The following ZFHX3 variants were observed in gnomAD, a reference collection of about 807,000 sequenced individuals.
ZFHX3 encodes the protein zinc finger homeobox 3, also known as zinc finger homeobox protein 3.
ZFHX3 carries 42 observed loss-of-function variants against 279.1 expected under a neutral mutation model. The observed-to-expected ratio is 0.15, with a 90% CI of 0.12 to 0.19. ZFHX3 has a LOEUF of 0.19. Ranked by LOEUF, ZFHX3 falls within the 10% of genes least tolerant of loss-of-function variation. ZFHX3 has a pLI of 1.00. For synonymous variants in ZFHX3, 2,293 were observed against 1,957.8 expected (o/e 1.17, Z -4.52); for missense variants, 4,981 against 4,754.0 (o/e 1.05, Z -1.40).
At chr16:73,844,050 C>T (rs1483768961) in intron 1 of ZFHX3, among the ~76,000 whole-genome samples, 1 of 152,130 alleles carries the variant, frequency 6.6e-6, no homozygotes, top group Admixed American at 6.5e-5. Flanking sequence ...TCCTGTGTAA[C>T]CCAGAAACCC....
At position 72,788,205 on chromosome 16, in the gene ZFHX3, T is replaced by G; in HGVS notation, c.10071A>C (p.Pro3357=). Residue 3357 remains proline (P), a synonymous_variant, in exon 10 of 10, where the codon CCA becomes CCC. Coordinates refer to ENST00000268489, the MANE Select transcript of ZFHX3 (RefSeq NM_006885.4). The stretch of plus-strand genomic sequence containing the variant: ...GCTGGTACTGCTGCAGTAGGGAGCC[T>G]GGGGACAGCCCCATCAGGGCCTGCG... ...ALSQALMGLS[P]GSLLQQYQQY... is the part of the protein sequence containing the mutation. 1 of 1,612,732 alleles carries G rather than the reference T, an allele frequency of 6.2e-7. No individual in the cohort carries two copies. The highest frequency in any genetic ancestry group is 8.5e-7 in the Non-Finnish European group (1 of 1,179,120).
intron 2 of ZFHX3, chr16:73,487,370 C>A: frequency 2.5e-6 from 1 of 394,992 alleles, no homozygotes; most frequent in South Asian, 1.9e-5. Context: ...TCTGTTATAG[C>A]AAGGGTCCAA....
At chr16:73,217,337 T>G (rs2012250247) in intron 5 of ZFHX3, among the ~76,000 whole-genome samples, 1 of 152,194 alleles carries the variant, frequency 6.6e-6, no homozygotes, top group Non-Finnish European at 1.5e-5. Flanking sequence ...CCGTCCGATT[T>G]GAGTTCAGAC....
intron 5 of ZFHX3, among the ~76,000 whole-genome samples, chr16:73,213,370 A>G (rs767157506): frequency 6.6e-6 from 1 of 152,172 alleles, no homozygotes; most frequent in Non-Finnish European, 1.5e-5. Context: ...TTTTCTCTCA[A>G]CTGTAAGCAC....
chr16:73,617,580 A>T (rs116010960), intron 2 of ZFHX3, among the ~76,000 whole-genome samples: 1,571 of 152,348 alleles, frequency 0.01, 35 homozygotes, highest in African/African-American at 0.034. Flanking sequence ...CATGAGATGT[A>T]CATGCCTAAA....
At chr16:73,853,298 C>T (rs1961635673) in intron 1 of ZFHX3, among the ~76,000 whole-genome samples, 1 of 152,172 alleles carries the variant, frequency 6.6e-6, no homozygotes, top group African/African-American at 2.4e-5. Flanking sequence ...ATAGAGCTAC[C>T]ATTTGACTCA....
chr16:73,396,121 A>C (rs1478007067), intron 3 of ZFHX3, among the ~76,000 whole-genome samples: 1 of 152,226 alleles, frequency 6.6e-6, no homozygotes, highest in Non-Finnish European at 1.5e-5. Flanking sequence ...TAAATGGAAG[A>C]TGGGGAGTTA....
At chr16:73,585,034 C>T (rs187823875) in intron 2 of ZFHX3, among the ~76,000 whole-genome samples, 1 of 152,322 alleles carries the variant, frequency 6.6e-6, no homozygotes, top group Admixed American at 6.5e-5. Flanking sequence ...AATACCTTCT[C>T]ACACCAGTCA....
intron 2 of ZFHX3, among the ~76,000 whole-genome samples, chr16:72,956,794 C>T (rs982344734): frequency 1.3e-5 from 2 of 149,884 alleles, no homozygotes; most frequent in African/African-American, 2.5e-5. Flanking sequence ...AATTAATTTC[C>T]AACTATTCTA....
chr16:73,325,928 A>AAAACACACACACACACAC (rs368062772), intron 3 of ZFHX3, among the ~76,000 whole-genome samples: 1 of 145,492 alleles, frequency 6.9e-6, no homozygotes, highest in African/African-American at 2.5e-5. Flanking sequence ...CACACACACA[A>AAAACACACACACACACAC]ACACACACAC....
At chr16:73,509,627 C>T (rs191539852) in intron 2 of ZFHX3, among the ~76,000 whole-genome samples, 7 of 147,612 alleles carry the variant, frequency 4.7e-5, no homozygotes, top group South Asian at 2.1e-4. Context: ...TGGGTTCAAG[C>T]GATTCTCCTG....
intron 2 of ZFHX3, among the ~76,000 whole-genome samples, chr16:73,474,149 AT>A (rs1273124229): frequency 1.3e-5 from 2 of 151,942 alleles, no homozygotes; most frequent in African/African-American, 2.4e-5. Flanking sequence ...TTATTTATTT[AT>A]TTATTGAGAC....
chr16:73,308,218 T>C (rs1445264118), intron 4 of ZFHX3, among the ~76,000 whole-genome samples: 2 of 126,356 alleles, frequency 1.6e-5, no homozygotes, highest in East Asian at 2.5e-4. Flanking sequence ...CTGAGCCATA[T>C]GCATGCATAT....
At chr16:73,403,262 A>G (rs1222982836) in intron 3 of ZFHX3, among the ~76,000 whole-genome samples, 1 of 152,142 alleles carries the variant, frequency 6.6e-6, no homozygotes, top group Non-Finnish European at 1.5e-5. Context: ...GATGGAGTGA[A>G]ACACCGAGGG....
At chr16:72,800,227 G>A (rs1323372648) in intron 7 of ZFHX3, 98 bp from the exon 8 acceptor site, 5 of 985,646 alleles carry the variant, frequency 5.1e-6, no homozygotes, top group East Asian at 5.2e-5. Context: ...GCCTTCACCA[G>A]TGTAAAGCTA....
chr16:72,940,104 G>A (rs969539712), intron 3 of ZFHX3, among the ~76,000 whole-genome samples: 4 of 151,842 alleles, frequency 2.6e-5, no homozygotes, highest in Non-Finnish European at 5.9e-5. Context: ...TAGAGACAGG[G>A]TCTGTTTATG....
chr16:73,385,195 G>T (rs577116198), intron 3 of ZFHX3, among the ~76,000 whole-genome samples: 15 of 152,174 alleles, frequency 9.9e-5, no homozygotes, highest in Admixed American at 8.5e-4. Flanking sequence ...TGTTCCCATG[G>T]GTTTTTCAGT....
intron 5 of ZFHX3, among the ~76,000 whole-genome samples, chr16:73,160,917 C>A (rs1432982577): frequency 6.6e-6 from 1 of 151,814 alleles, no homozygotes; most frequent in Non-Finnish European, 1.5e-5. Context: ...TTGGGTGGTG[C>A]CCTCTCACAG....
At chr16:73,631,182 T>C (rs1351903190) in intron 2 of ZFHX3, among the ~76,000 whole-genome samples, 1 of 152,212 alleles carries the variant, frequency 6.6e-6, no homozygotes, top group Non-Finnish European at 1.5e-5. Context: ...GTGTGAATTT[T>C]ACCCACCTCC....
Sources: allele counts gnomAD v4.1 joint callset (sites outside exome capture counted in the v4.1 genomes callset), GRCh38; gene constraint gnomAD v4.1.1; transcripts MANE v1.5; gene names NCBI Gene and HGNC (gene_info 2026-07-23, HGNC 2026-07-21).